PDS5A: variants seen among roughly 807,000 people sequenced by gnomAD.
PDS5A encodes the protein sister chromatid cohesion protein PDS5 homolog A.
A neutral mutation model predicts 167.1 loss-of-function variants in PDS5A; 42 were observed. That is an observed-to-expected ratio of 0.25 (90% confidence interval 0.20 to 0.33). PDS5A has a LOEUF of 0.33. PDS5A is among the 10% of genes least tolerant of loss of function. PDS5A has a pLI of 1.00. For missense variants in PDS5A, 1,033 were observed against 1,605.9 expected, an observed-to-expected ratio of 0.64 and a Z score of 6.10; for synonymous variants, 553 against 554.6, an observed-to-expected ratio of 1.00 and a Z score of 0.04.
chr4:39,848,797 A>G, intron 28 of PDS5A, 54 bp downstream of exon 28: 1 of 1,453,598 alleles, frequency 6.9e-7, no homozygotes, highest in South Asian at 1.2e-5. Flanking sequence ...GTTGATGGTA[A>G]TTGACATTGA....
At chr4:39,902,319 T>C in intron 13 of PDS5A, 28 bp downstream of exon 13, 3 of 996,402 alleles carry the variant, frequency 3.0e-6, no homozygotes, top group Non-Finnish European at 4.7e-6. Context: ...CCTTAGAAAA[T>C]ACAGCAGTTA....
At chr4:39,942,491 C>T (rs374791147) in intron 2 of PDS5A, among the ~76,000 whole-genome samples, 2 of 152,272 alleles carry the variant, frequency 1.3e-5, no homozygotes, top group East Asian at 1.9e-4. Flanking sequence ...CACTCAGTCA[C>T]GTAGGCTAGA....
At chr4:39,940,270 T>C (rs1727102004) in intron 2 of PDS5A, among the ~76,000 whole-genome samples, 1 of 151,796 alleles carries the variant, frequency 6.6e-6, no homozygotes, top group Admixed American at 6.6e-5. Context: ...TTTTAAGAAA[T>C]ATGTAGTGAA....
At chr4:39,828,591 C>T (rs1295110372) in intron 32 of PDS5A, among the ~76,000 whole-genome samples, 1 of 152,124 alleles carries the variant, frequency 6.6e-6, no homozygotes, top group Non-Finnish European at 1.5e-5. Context: ...AGTTAACAAA[C>T]CTAAAGTGTA....
intron 29 of PDS5A, among the ~76,000 whole-genome samples, chr4:39,845,433 A>C (rs1400495567): frequency 6.6e-6 from 1 of 152,206 alleles, no homozygotes; most frequent in African/African-American, 2.4e-5. Context: ...CTATTTACAA[A>C]AAACTAAATT....
At chr4:39,961,550 C>T (rs762417633) in intron 2 of PDS5A, among the ~76,000 whole-genome samples, 38 of 152,148 alleles carry the variant, frequency 2.5e-4, no homozygotes, top group Non-Finnish European at 2.5e-4. Context: ...TATGAGCCAC[C>T]GTGCCTGGCC....
chr4:39,973,367 G>C, intron 2 of PDS5A: 2 of 1,604,146 alleles, frequency 1.2e-6, no homozygotes, highest in Non-Finnish European at 1.7e-6. Context: ...TGTGCATTAA[G>C]ATGTTGCTGA....
intron 32 of PDS5A, chr4:39,837,005 T>C (rs1456396771): frequency 1.4e-5 from 2 of 146,288 alleles, no homozygotes; most frequent in African/African-American, 5.1e-5. Context: ...TTTTTTTTTT[T>C]TTTTTTAGTA....
At chr4:39,861,831 T>C (rs1280499361) in intron 26 of PDS5A, among the ~76,000 whole-genome samples, 2 of 152,226 alleles carry the variant, frequency 1.3e-5, no homozygotes, top group Non-Finnish European at 2.9e-5. Flanking sequence ...AAGTGTTGCA[T>C]GCTAGAGAGA....
intron 18 of PDS5A, among the ~76,000 whole-genome samples, chr4:39,877,375 C>T (rs1429176000): frequency 6.6e-6 from 1 of 152,120 alleles, no homozygotes; most frequent in South Asian, 2.1e-4. Flanking sequence ...AACTAACAGA[C>T]AGCCTTTGTC....
intron 32 of PDS5A, among the ~76,000 whole-genome samples, chr4:39,832,338 C>T (rs1163759884): frequency 1.3e-5 from 2 of 151,488 alleles, no homozygotes; most frequent in African/African-American, 2.4e-5. Flanking sequence ...CTCAGCCTCC[C>T]GAGTAGCTGG....
intron 22 of PDS5A, among the ~76,000 whole-genome samples, chr4:39,868,124 T>C (rs1198782220): frequency 6.6e-6 from 1 of 152,178 alleles, no homozygotes; most frequent in Non-Finnish European, 1.5e-5. Context: ...AAATCCCAAA[T>C]CTGCCACTTT....
chr4:39,938,162 G>C (rs1283890331), intron 2 of PDS5A, among the ~76,000 whole-genome samples: 2 of 152,278 alleles, frequency 1.3e-5, no homozygotes, highest in East Asian at 3.9e-4. Context: ...AATGTTATCT[G>C]ACCACTTGGC....
chr4:39,916,352 C>CA (rs1435215224), intron 8 of PDS5A, among the ~76,000 whole-genome samples: 1 of 152,100 alleles, frequency 6.6e-6, no homozygotes, highest in Non-Finnish European at 1.5e-5. Context: ...TTAGGACAGT[C>CA]AAATTTCTGT....
intron 18 of PDS5A, among the ~76,000 whole-genome samples, chr4:39,879,504 T>C (rs1720757780): frequency 6.6e-6 from 1 of 152,134 alleles, no homozygotes; most frequent in Admixed American, 6.5e-5. Flanking sequence ...ATAGAAGGCA[T>C]GGAAATGATA....
chr4:39,971,912 C>G (rs1730584114), intron 2 of PDS5A, among the ~76,000 whole-genome samples: 1 of 152,068 alleles, frequency 6.6e-6, no homozygotes, highest in Non-Finnish European at 1.5e-5. Context: ...ATCTACATTT[C>G]CAATGAGACA....
chr4:39,902,234 T>C (rs969331053), intron 13 of PDS5A, 113 bp downstream of exon 13: 15 of 556,352 alleles, frequency 2.7e-5, no homozygotes, highest in African/African-American at 2.5e-4. Flanking sequence ...CCTGAGGTTC[T>C]TGATTCAACT....
At chr4:39,942,422 A>G (rs573264146) in intron 2 of PDS5A, among the ~76,000 whole-genome samples, 15 of 152,120 alleles carry the variant, frequency 9.9e-5, no homozygotes, top group African/African-American at 3.6e-4. Context: ...GCTCTTACTA[A>G]ATTCTTACCC....
At chr4:39,908,258 A>C (rs1461912292) in intron 11 of PDS5A, 137 bp downstream of exon 11, 6 of 742,208 alleles carry the variant, frequency 8.1e-6, no homozygotes, top group Non-Finnish European at 1.4e-5. Context: ...GGAAACATAC[A>C]AATTAGGAGC....
Sources: gnomAD v4.1 joint callset for allele counts (sites outside exome capture counted in the v4.1 genomes callset) on GRCh38, gnomAD v4.1.1 for gene constraint, MANE v1.5 for transcripts, NCBI Gene and HGNC (gene_info 2026-07-23, HGNC 2026-07-21) for gene names.